The following MALRD1 variants were observed in gnomAD, a reference collection of about 807,000 sequenced individuals.
MALRD1 encodes the protein MAM and LDL-receptor class A domain-containing protein 1.
Under a neutral mutation model 242.1 loss-of-function variants are expected in MALRD1, and 247 were observed. That is an observed-to-expected ratio of 1.02 (90% confidence interval 0.92 to 1.13). The LOEUF (loss-of-function observed/expected upper bound fraction) is 1.13, where lower values mean the gene tolerates loss of function less well. MALRD1 is among the 50% of genes most tolerant of loss of function. MALRD1 has a pLI of 0.00. For missense variants in MALRD1, 2,989 were observed against 2,533.1 expected (o/e 1.18, Z -3.86); for synonymous variants, 995 against 866.6 (o/e 1.15, Z -2.60).
At chr10:19,143,648 G>T (rs1833626540) in intron 10 of MALRD1, among the ~76,000 whole-genome samples, 1 of 152,182 alleles carries the variant, frequency 6.6e-6, no homozygotes. Flanking sequence ...TGTATTCCAG[G>T]GAAGTGTGTT....
chr10:19,165,265 A>ATATATATATATATATTTTTTTTTTTT, intron 12 of MALRD1, among the ~76,000 whole-genome samples: 1 of 130,284 alleles, frequency 7.7e-6, no homozygotes, highest in African/African-American at 3.2e-5. Flanking sequence ...ATATATATAT[A>ATATATATATATATATTTTTTTTTTTT]TTTTGTTTTG....
chr10:19,100,904 C>A (rs1564391312), intron 4 of MALRD1, among the ~76,000 whole-genome samples: 1 of 152,066 alleles, frequency 6.6e-6, no homozygotes, highest in Admixed American at 6.6e-5. Context: ...CTTAACTCAG[C>A]AACAGCTAGG....
chr10:19,445,643 G>C (rs112719001), intron 28 of MALRD1, among the ~76,000 whole-genome samples: 9,380 of 152,270 alleles, frequency 0.062, 930 homozygotes, highest in African/African-American at 0.21. Flanking sequence ...GGCAAATGGT[G>C]CTGCCTGATC....
intron 26 of MALRD1, among the ~76,000 whole-genome samples, chr10:19,376,943 C>T (rs537512910): frequency 1.3e-5 from 2 of 152,168 alleles, no homozygotes; most frequent in African/African-American, 4.8e-5. Context: ...AAAAACTATA[C>T]AGGAATAGCA....
chr10:19,086,670 C>T (rs968546843), intron 2 of MALRD1, among the ~76,000 whole-genome samples: 6 of 151,968 alleles, frequency 3.9e-5, no homozygotes, highest in African/African-American at 9.7e-5. Flanking sequence ...TAAAGCTGTA[C>T]GAGTTGAAGA....
In MALRD1 at chr10:19,056,548, T is replaced by C. The variant is rs572479478; in HGVS notation, c.199+7411T>C. Among the ~76,000 whole-genome samples the C allele has an allele frequency of 3.9e-5, 6 of 152,170 alleles. No individual in the cohort carries two copies. The South Asian group carries it at 1.0e-3, about 26-fold the overall frequency. On this transcript the variant is annotated intron_variant, in intron 1 of 39. Transcript: ENST00000454679. ...TGTATGTTGCTTTTGTATCCTTCAATGTTACTGAATTTTTTATTAGTTTTA... is the reference window on the plus strand; with the variant it reads ...TGTATGTTGCTTTTGTATCCTTCAACGTTACTGAATTTTTTATTAGTTTTA...
At position 19,687,165 on chromosome 10, in the gene MALRD1, T is replaced by A. The variant is rs576073475; in HGVS notation, c.6138-5117T>A. Among the ~76,000 whole-genome samples, 3 of 152,332 alleles carry A rather than the reference T, an allele frequency of 2.0e-5. No homozygotes were observed. The South Asian group carries it at 6.2e-4, about 32-fold the overall frequency. ...TTGACGTTAAAACAAACAAGCATTC[T>A]AATTTAGACTGATGTGTCTTAGTAC... On this transcript the variant is annotated intron_variant, in intron 36 of 39. Coordinates refer to ENST00000454679, the MANE Select transcript of MALRD1 (RefSeq NM_001142308.3).
intron 18 of MALRD1, among the ~76,000 whole-genome samples, chr10:19,247,564 G>A (rs1281475710): frequency 1.3e-5 from 2 of 151,396 alleles, no homozygotes; most frequent in African/African-American, 4.9e-5. Context: ...ATTATAATGT[G>A]CACATTATGT....
chr10:19,589,601 C>T (rs1256218337), intron 33 of MALRD1, among the ~76,000 whole-genome samples: 1 of 152,154 alleles, frequency 6.6e-6, no homozygotes, highest in Non-Finnish European at 1.5e-5. Flanking sequence ...TACCCCTAAT[C>T]AGATGTAGCT....
intron 32 of MALRD1, among the ~76,000 whole-genome samples, chr10:19,566,797 AAT>A (rs1836276785): frequency 6.6e-6 from 1 of 151,986 alleles, no homozygotes; most frequent in Admixed American, 6.6e-5. Context: ...AGAATATAGA[AAT>A]ATAACTCTTT....
At chr10:19,169,209 G>A (rs887456948) in intron 13 of MALRD1, among the ~76,000 whole-genome samples, 2 of 151,922 alleles carry the variant, frequency 1.3e-5, no homozygotes, top group Admixed American at 6.6e-5. Flanking sequence ...AAACACTCTC[G>A]GTGTTATGTT....
At chr10:19,260,052 T>C (rs1230094022) in intron 19 of MALRD1, among the ~76,000 whole-genome samples, 1 of 152,196 alleles carries the variant, frequency 6.6e-6, no homozygotes, top group Non-Finnish European at 1.5e-5. Flanking sequence ...GATAAGTAGG[T>C]AGAGGAATGT....
At chr10:19,670,755 GT>G (rs1841878397) in intron 36 of MALRD1, among the ~76,000 whole-genome samples, 1 of 152,056 alleles carries the variant, frequency 6.6e-6, no homozygotes, top group African/African-American at 2.4e-5. Context: ...TCAATAAAAT[GT>G]AAACTTCGTG....
Position 19,216,119 on chromosome 10 carries a change from C to CTTTT in MALRD1, c.2991+6452_2991+6455dup, listed in dbSNP as rs753559077. Among the ~76,000 whole-genome samples the CTTTT allele has an allele frequency of 8.1e-4, 100 of 122,796 alleles. 3 individuals are homozygous for CTTTT. The highest frequency in any genetic ancestry group is 1.1e-3 in the African/African-American group (37 of 32,960). The allele number at this position is 122,796 out of a possible 152,430, so 80.6% of individuals were successfully genotyped here. On this transcript the variant is annotated intron_variant, in intron 18 of 39. Transcript: ENST00000454679. ...TACTTCTTTCTTTCTTTCTTTCTTT[C>CTTTT]TTTTTTTTTTTTTTTTGAGACAGCG...
At chr10:19,226,731 A>G (rs146025535) in intron 18 of MALRD1, among the ~76,000 whole-genome samples, 1 of 152,156 alleles carries the variant, frequency 6.6e-6, no homozygotes, top group African/African-American at 2.4e-5. Context: ...GAAGAAAGAA[A>G]AATAATATTC....
intron 32 of MALRD1, among the ~76,000 whole-genome samples, chr10:19,548,860 G>T (rs1395080675): frequency 6.6e-6 from 1 of 152,154 alleles, no homozygotes; most frequent in Non-Finnish European, 1.5e-5. Context: ...TCAAAAGCTA[G>T]AAATGATTAA....
At chr10:19,659,912 G>C (rs1841344537) in intron 36 of MALRD1, among the ~76,000 whole-genome samples, 1 of 152,018 alleles carries the variant, frequency 6.6e-6, no homozygotes, top group Non-Finnish European at 1.5e-5. Context: ...TAAATAACAG[G>C]TATTGAATTT....
rs919009668 is a variant in MALRD1 at position 19,650,865 on chromosome 10, G to A, written c.6137+34942G>A. ...GTTTAGTATCAGCGGTTTAGCAGCA[G>A]TTTCTACTAAGAGTGAGAACAGGTG... On this transcript the variant is annotated intron_variant, in intron 36 of 39. Coordinates refer to ENST00000454679, the MANE Select transcript of MALRD1 (RefSeq NM_001142308.3). Among the ~76,000 whole-genome samples the A allele has an allele frequency of 5.9e-5, 9 of 152,164 alleles. No homozygotes were observed. The East Asian group carries it at 1.7e-3, about 29-fold the overall frequency.
chr10:19,237,576 AATTATAAT>A (rs1838385452), intron 18 of MALRD1, among the ~76,000 whole-genome samples: 1 of 31,692 alleles, frequency 3.2e-5, no homozygotes, highest in Non-Finnish European at 6.6e-5. Context: ...AATTATATAT[AATTATAAT>A]TATATAATTA....
Sources: gnomAD v4.1 joint callset for allele counts (sites outside exome capture counted in the v4.1 genomes callset) on GRCh38, gnomAD v4.1.1 for gene constraint, MANE v1.5 for transcripts, NCBI Gene and HGNC (gene_info 2026-07-23, HGNC 2026-07-21) for gene names.